Variants in CRPPA observed in about 807,000 individuals in gnomAD.
CRPPA encodes the protein D-ribitol-5-phosphate cytidylyltransferase.
Under a neutral mutation model 52.0 loss-of-function variants are expected in CRPPA, and 43 were observed. The ratio of observed to expected loss-of-function variants is 0.83; its 90% CI spans 0.65 to 1.07. The LOEUF is 1.07. Among genes scored for constraint, CRPPA ranks in the 50% least tolerant of loss-of-function variants. The pLI, the probability that CRPPA is intolerant of heterozygous loss-of-function variation, is 0.00. For synonymous variants in CRPPA, 250 were observed against 203.5 expected, an observed-to-expected ratio of 1.23 and a Z score of -1.94; for missense variants, 629 against 551.7, an observed-to-expected ratio of 1.14 and a Z score of -1.40.
chr7:16,266,864 C>G (rs1488629217), intron 6 of CRPPA, among the ~76,000 whole-genome samples: 1 of 152,148 alleles, frequency 6.6e-6, no homozygotes, highest in Admixed American at 6.5e-5. Flanking sequence ...TTCTGTCGAG[C>G]TTTCATGACA....
chr7:16,338,950 G>C (rs759467975), intron 3 of CRPPA, among the ~76,000 whole-genome samples: 1 of 151,702 alleles, frequency 6.6e-6, no homozygotes, highest in Non-Finnish European at 1.5e-5. Flanking sequence ...CGAGTAGCTG[G>C]GACTACAGGC....
At chr7:16,347,941 A>G (rs976008314) in intron 3 of CRPPA, among the ~76,000 whole-genome samples, 1 of 152,136 alleles carries the variant, frequency 6.6e-6, no homozygotes, top group Non-Finnish European at 1.5e-5. Context: ...GGTTTTCTAC[A>G]GGCACAAAAG....
chr7:16,406,070 C>T lies in CRPPA; in HGVS notation c.525G>A (p.Lys175=), dbSNP rs1387894332. 6.2e-7 allele frequency: 1 copy of T among 1,613,286 alleles called. No individual in the cohort carries two copies. Among genetic ancestry groups the T allele is most frequent in the South Asian group, 1.1e-5 (1 of 90,964 alleles). The change falls in exon 2 of 10, where the codon AAG becomes AAA. Residue 175 remains lysine (K), a synonymous_variant. Transcript: ENST00000407010. ...GVLLKVVTAA[K]EHGAAGAIRP... is the part of the protein sequence containing the mutation. Reference sequence around the variant, plus strand: ...AAGAAAAAAGACTTACCCCGTGTTCCTTAGCAGCTGTGACAACTTTAAGAA... The same window carrying T: ...AAGAAAAAAGACTTACCCCGTGTTCTTTAGCAGCTGTGACAACTTTAAGAA...
intron 2 of CRPPA, among the ~76,000 whole-genome samples, chr7:16,384,309 C>T (rs1380157285): frequency 3.9e-5 from 6 of 152,164 alleles, no homozygotes; most frequent in Non-Finnish European, 8.8e-5. Context: ...AAGAGATCAT[C>T]ATGGTAAGCA....
chr7:16,383,505 A>T (rs1193356812), intron 2 of CRPPA, among the ~76,000 whole-genome samples: 1 of 152,134 alleles, frequency 6.6e-6, no homozygotes, highest in African/African-American at 2.4e-5. Context: ...GTGCTGGGAG[A>T]ACCACTGCTC....
intron 3 of CRPPA, among the ~76,000 whole-genome samples, chr7:16,331,930 G>C (rs1785560989): frequency 6.6e-6 from 1 of 152,182 alleles, no homozygotes; most frequent in African/African-American, 2.4e-5. Context: ...TGAGACAACA[G>C]TGACTGATAA....
At position 16,124,785 on chromosome 7, in the gene CRPPA, T is replaced by C. The variant is rs1051427547; in HGVS notation, c.1252-32986A>G. On this transcript the variant is annotated intron_variant, in intron 9 of 9. Transcript: ENST00000407010. ...TATGCTAATTACCTTGATTTAATTA[T>C]AACACATTGTATACATGTATCAAAA... Among the ~76,000 whole-genome samples the C allele has an allele frequency of 4.6e-5, 7 of 152,156 alleles. No individual in the cohort carries two copies. In the East Asian group the frequency reaches 1.3e-3, roughly 29 times the overall value.
chr7:16,293,361 G>C (rs1195439264), intron 5 of CRPPA, among the ~76,000 whole-genome samples: 1 of 151,914 alleles, frequency 6.6e-6, no homozygotes, highest in Admixed American at 6.6e-5. Context: ...TTCAAAGTAA[G>C]AGCAGTGGCT....
At chr7:16,148,894 A>G (rs1266055050) in intron 9 of CRPPA, among the ~76,000 whole-genome samples, 2 of 152,188 alleles carry the variant, frequency 1.3e-5, no homozygotes, top group Non-Finnish European at 2.9e-5. Context: ...ATCTTTACAC[A>G]TTCTATATGT....
At chr7:16,113,053 A>C (rs1782298570) in intron 9 of CRPPA, among the ~76,000 whole-genome samples, 1 of 152,048 alleles carries the variant, frequency 6.6e-6, no homozygotes, top group Non-Finnish European at 1.5e-5. Context: ...TAAATAAATA[A>C]ATATAAAATC....
rs568516251 is a variant in CRPPA at position 16,388,512 on chromosome 7, A to G, written c.535-12271T>C. Among the ~76,000 whole-genome samples the G allele has an allele frequency of 3.3e-5, 5 of 152,310 alleles. No homozygotes were observed. The South Asian group carries it at 6.2e-4, about 19-fold the overall frequency. The stretch of plus-strand genomic sequence containing the variant: ...AAGAAGAACTAAAATTAAAACAGAC[A>G]AAGAGTAAACAAAAGAAATAAATTA... On this transcript the variant is annotated intron_variant, in intron 2 of 9. Transcript: ENST00000407010.
chr7:16,296,240 C>A (rs1583499367), intron 5 of CRPPA, among the ~76,000 whole-genome samples: 1 of 151,944 alleles, frequency 6.6e-6, no homozygotes, highest in East Asian at 1.9e-4. Flanking sequence ...TGCTATCTAC[C>A]ACAATTTGGA....
At chr7:16,400,764 G>T (rs1157961011) in intron 2 of CRPPA, among the ~76,000 whole-genome samples, 1 of 152,256 alleles carries the variant, frequency 6.6e-6, no homozygotes, top group East Asian at 1.9e-4. Flanking sequence ...CAATATGTGT[G>T]ATGGAAGACG....
intron 9 of CRPPA, among the ~76,000 whole-genome samples, chr7:16,123,660 A>G (rs1026227161): frequency 2.6e-5 from 4 of 152,182 alleles, no homozygotes; most frequent in Middle Eastern, 3.2e-3. Flanking sequence ...CCTAAGAGGC[A>G]TGGGAAGAGG....
chr7:16,314,955 A>C (rs1328545696), intron 3 of CRPPA, among the ~76,000 whole-genome samples: 1 of 152,094 alleles, frequency 6.6e-6, no homozygotes, highest in Admixed American at 6.6e-5. Context: ...AGTCATTGTT[A>C]CTTCAAATAC....
intron 8 of CRPPA, among the ~76,000 whole-genome samples, chr7:16,250,640 G>A (rs1271073019): frequency 6.6e-6 from 1 of 152,112 alleles, no homozygotes; most frequent in Non-Finnish European, 1.5e-5. Context: ...CATAAGTCAA[G>A]GAGAAATAAA....
intron 9 of CRPPA, among the ~76,000 whole-genome samples, chr7:16,165,459 G>T (rs967428144): frequency 6.6e-6 from 1 of 152,148 alleles, no homozygotes; most frequent in African/African-American, 2.4e-5. Context: ...AATATGTTCA[G>T]TTATCATCAG....
chr7:16,181,217 A>G (rs1781406829), intron 9 of CRPPA, among the ~76,000 whole-genome samples: 1 of 151,942 alleles, frequency 6.6e-6, no homozygotes, highest in South Asian at 2.1e-4. Flanking sequence ...CTGGAATGTG[A>G]TACAATGTAA....
chr7:16,356,015 C>T (rs1786285737), intron 3 of CRPPA, among the ~76,000 whole-genome samples: 1 of 151,638 alleles, frequency 6.6e-6, no homozygotes, highest in African/African-American at 2.4e-5. Context: ...AACTTACATG[C>T]CCTAGCTAAG....
Sources: allele counts gnomAD v4.1 joint callset (sites outside exome capture counted in the v4.1 genomes callset), GRCh38; gene constraint gnomAD v4.1.1; transcripts MANE v1.5; gene names NCBI Gene and HGNC (gene_info 2026-07-23, HGNC 2026-07-21).